The following TANK variants were observed in gnomAD, a reference collection of about 807,000 sequenced individuals.
TANK encodes TRAF family member associated NFKB activator.
A neutral mutation model predicts 43.6 loss-of-function variants in TANK; 15 were observed. That is an observed-to-expected ratio of 0.34 (90% CI 0.23 to 0.53). TANK has a LOEUF of 0.53. Among genes scored for constraint, TANK ranks in the 20% least tolerant of loss-of-function variants. The pLI is 0.94. For synonymous variants in TANK, 162 were observed against 178.2 expected, an observed-to-expected ratio of 0.91 and a Z score of 0.73; for missense variants, 417 against 498.6, an observed-to-expected ratio of 0.84 and a Z score of 1.56.
chr2:161,201,336 TTTTTAAGCC>T, intron 2 of TANK: 2 of 874,374 alleles, frequency 2.3e-6, no homozygotes, highest in South Asian at 1.1e-4. Flanking sequence ...TAAAGTATGT[TTTTTAAGCC>T]AGAGAATAGA....
chr2:161,152,878 C>CA (rs891568928), intron 1 of TANK, among the ~76,000 whole-genome samples: 12 of 152,242 alleles, frequency 7.9e-5, no homozygotes, highest in Non-Finnish European at 1.6e-4. Flanking sequence ...TATAATGCCT[C>CA]AGTGTGGATT....
At chr2:161,142,585 T>G (rs1310882217) in intron 1 of TANK, among the ~76,000 whole-genome samples, 1 of 152,338 alleles carries the variant, frequency 6.6e-6, no homozygotes, top group East Asian at 1.9e-4. Context: ...GGGAATCCTT[T>G]CCCCATTGCT....
chr2:161,200,353 G>T, intron 2 of TANK: 1 of 984,752 alleles, frequency 1.0e-6, no homozygotes, highest in East Asian at 1.1e-4. Flanking sequence ...CTTGTAAAAG[G>T]ACTTTTCTGG....
At chr2:161,213,655 T>C (rs894691729) in intron 4 of TANK, among the ~76,000 whole-genome samples, 2 of 151,772 alleles carry the variant, frequency 1.3e-5, no homozygotes, top group East Asian at 1.9e-4. Context: ...TTTTTTTTTT[T>C]TCAGTGTTAT....
chr2:161,195,954 G>A (rs1323857025), intron 2 of TANK, among the ~76,000 whole-genome samples: 2 of 151,944 alleles, frequency 1.3e-5, no homozygotes, highest in Non-Finnish European at 2.9e-5. Context: ...GCGTGATGGC[G>A]GGCACCTGTA....
intron 7 of TANK, among the ~76,000 whole-genome samples, chr2:161,232,492 A>G (rs905413915): frequency 1.3e-5 from 2 of 152,226 alleles, no homozygotes; most frequent in Admixed American, 6.5e-5. Flanking sequence ...AAGCTGTGGT[A>G]TATTTTAGTA....
At chr2:161,139,826 C>T (rs903619495) in intron 1 of TANK, 12 of 985,280 alleles carry the variant, frequency 1.2e-5, no homozygotes, top group African/African-American at 5.2e-5. Context: ...TATTCCTACG[C>T]TTTGTGCAAA....
At chr2:161,230,864 A>G in intron 6 of TANK, 107 bp from the exon 7 acceptor site, 15 of 890,722 alleles carry the variant, frequency 1.7e-5, no homozygotes, top group Non-Finnish European at 2.6e-5. Context: ...TTCATTTGCT[A>G]TAAAAACCAA....
intron 4 of TANK, chr2:161,216,469 T>C (rs1315048777): frequency 2.2e-6 from 1 of 457,130 alleles, no homozygotes; most frequent in African/African-American, 2.0e-5. Flanking sequence ...AATTTTTTGA[T>C]AAAGCTGAAT....
intron 1 of TANK, among the ~76,000 whole-genome samples, chr2:161,170,264 GCC>G (rs1449710261): frequency 2.0e-5 from 3 of 152,154 alleles, no homozygotes; most frequent in Non-Finnish European, 4.4e-5. Flanking sequence ...TTCAACAAAT[GCC>G]ATTAATAGAG....
intron 1 of TANK, among the ~76,000 whole-genome samples, chr2:161,177,624 G>T (rs907638551): frequency 2.6e-5 from 4 of 152,152 alleles, no homozygotes; most frequent in Non-Finnish European, 5.9e-5. Context: ...TTAGGCAACA[G>T]TTCCTTAGAT....
At chr2:161,232,156 ATTT>A (rs1687941271) in intron 7 of TANK, among the ~76,000 whole-genome samples, 1 of 152,152 alleles carries the variant, frequency 6.6e-6, no homozygotes, top group South Asian at 2.1e-4. Context: ...CAAATATTTT[ATTT>A]AATGTTTCTA....
intron 1 of TANK, among the ~76,000 whole-genome samples, chr2:161,144,850 C>T (rs1683858513): frequency 6.6e-6 from 1 of 152,006 alleles, no homozygotes; most frequent in Non-Finnish European, 1.5e-5. Flanking sequence ...CCTGAATATC[C>T]TTGTTAATTT....
Position 161,224,629 on chromosome 2 carries a change from A to G in TANK, c.405-2A>G. 1.5e-6 allele frequency: 2 copies of G among 1,349,334 alleles called. No homozygotes were observed. The highest frequency in any genetic ancestry group is 2.5e-5 in the Admixed American group (1 of 40,482). 83.6% of individuals were successfully genotyped at this position (1,349,334 alleles called of 1,614,324 possible). ...TTTTAAAATGTTGATTTTTTTTTTT[A>G]GGGGTAATATAGAGAAGACTTTCTG... On this transcript the variant is annotated splice_acceptor_variant, in intron 5 of 7. Transcript: ENST00000392749. LOFTEE classifies it high-confidence loss of function.
intron 4 of TANK, among the ~76,000 whole-genome samples, chr2:161,210,032 C>G (rs1486165034): frequency 6.6e-6 from 1 of 152,126 alleles, no homozygotes. Context: ...ATCAAAAACT[C>G]AAGTAAATGA....
At chr2:161,195,411 GAGA>G (rs1321664950) in intron 2 of TANK, among the ~76,000 whole-genome samples, 1 of 152,190 alleles carries the variant, frequency 6.6e-6, no homozygotes, top group Non-Finnish European at 1.5e-5. Context: ...CAGCAGGTCA[GAGA>G]AGATTATCAT....
chr2:161,179,837 G>T, intron 2 of TANK, 76 bp downstream of exon 2: 7 of 1,492,458 alleles, frequency 4.7e-6, no homozygotes, highest in Non-Finnish European at 6.3e-6. Flanking sequence ...TCTGAAAAAT[G>T]TTATATTGTT....
At chr2:161,161,567 C>T in intron 1 of TANK, 1 of 1,292,276 alleles carries the variant, frequency 7.7e-7, no homozygotes, top group Non-Finnish European at 1.0e-6. Context: ...CACATCTTTC[C>T]TGTATGTGCA....
In TANK at chr2:161,235,690, TTC is replaced by T; in HGVS notation, c.*174_*175del. 1 of 504,178 alleles carries T rather than the reference TTC, an allele frequency of 2.0e-6. No homozygotes were observed. The highest frequency in any genetic ancestry group is 3.3e-6 in the Non-Finnish European group (1 of 304,742). The allele number at this position is 504,178 out of a possible 1,614,324, so 31.2% of individuals were successfully genotyped here. A position where few individuals can be genotyped will look rare whatever the true frequency, so the allele number is the denominator to read the frequency against. On this transcript the variant is annotated 3_prime_UTR_variant, in exon 8 of 8. Transcript: ENST00000392749. ...ATAACTCTTATTTTTTAAAAGATCA[TTC>T]TGTTCTTTCAAGGAGAAATAAGCCT... is the stretch of plus-strand genomic sequence containing the variant.
Sources: gnomAD v4.1 joint callset for allele counts (sites outside exome capture counted in the v4.1 genomes callset) on GRCh38, gnomAD v4.1.1 for gene constraint, MANE v1.5 for transcripts, NCBI Gene and HGNC (gene_info 2026-07-23, HGNC 2026-07-21) for gene names.